The following LMAN1L variants were observed in gnomAD, a reference collection of about 807,000 sequenced individuals.
LMAN1L encodes the protein protein ERGIC-53-like.
LMAN1L carries 60 observed loss-of-function variants against 58.3 expected under a neutral mutation model. That is an observed-to-expected ratio of 1.03 (90% CI 0.84 to 1.27). The LOEUF (loss-of-function observed/expected upper bound fraction) is 1.27, where lower values mean the gene tolerates loss of function less well. Among genes scored for constraint, LMAN1L ranks in the 50% most tolerant of loss-of-function variants. LMAN1L has a pLI of 0.00. For synonymous variants in LMAN1L, 280 were observed against 271.6 expected (o/e 1.03, Z -0.31); for missense variants, 629 against 674.0 (o/e 0.93, Z 0.74).
intron 11 of LMAN1L, 45 bp downstream of exon 11, chr15:74,822,754 CT>C (rs1447847880): frequency 7.0e-7 from 1 of 1,426,506 alleles, no homozygotes; most frequent in Non-Finnish European, 9.9e-7. Flanking sequence ...GTTTCTCCGC[CT>C]TAAGTTCCTC....
intron 10 of LMAN1L, among the ~76,000 whole-genome samples, 160 bp downstream of exon 10, chr15:74,822,060 C>G (rs546035061): frequency 3.5e-4 from 54 of 152,212 alleles, no homozygotes; most frequent in African/African-American, 1.2e-3. Flanking sequence ...TGGTGGCTCA[C>G]GCGTGTAATC....
intron 7 of LMAN1L, 103 bp downstream of exon 7, chr15:74,820,202 T>A: frequency 9.4e-7 from 1 of 1,067,200 alleles, no homozygotes; most frequent in South Asian, 1.3e-5. Flanking sequence ...TACCTCCACC[T>A]GGCCTCTGAG....
At chr15:74,824,597 A>G in intron 13 of LMAN1L, 119 bp downstream of exon 13, 1 of 1,191,686 alleles carries the variant, frequency 8.4e-7, no homozygotes, top group Non-Finnish European at 1.2e-6. Context: ...GAGTCCCCAA[A>G]TCACAAAGAG....
At chr15:74,823,711 G>A (rs1346280876) in intron 12 of LMAN1L, 29 bp downstream of exon 12, 2 of 1,607,208 alleles carry the variant, frequency 1.2e-6, no homozygotes, top group Non-Finnish European at 1.7e-6. Context: ...GCAGCATGGG[G>A]TCCCCAACCT....
In LMAN1L at chr15:74,821,213, C is replaced by T; in HGVS notation, c.1046C>T (p.Pro349Leu). ...KQLGPPGQAR[P>L]DGGWALDASC... is the part of the protein sequence containing the mutation. ...CTGGGGCCCCCAGGCCAAGCCAGGC[C>T]TGACGGAGGCTGGGTGAGAAGCCCT... The change falls in exon 9 of 14, where the codon CCT becomes CTT. Residue 349 changes from proline (P) to leucine (L), a missense_variant. By Grantham distance (98) the Pro-to-Leu change is moderately conservative. Coordinates refer to ENST00000309664, the MANE Select transcript of LMAN1L (RefSeq NM_021819.3). 6.5e-7 allele frequency: 1 copy of T among 1,549,390 alleles called. No individual in the cohort carries two copies. The highest frequency in any genetic ancestry group is 8.7e-7 in the Non-Finnish European group (1 of 1,147,010).
intron 7 of LMAN1L, 176 bp from the exon 8 acceptor site, chr15:74,820,459 A>G: frequency 1.2e-6 from 1 of 824,116 alleles, no homozygotes; most frequent in Non-Finnish European, 2.0e-6. Flanking sequence ...TTGAGGCCAC[A>G]GCAGGGAGGG....
chr15:74,821,435 G>A (rs542522882), intron 9 of LMAN1L, among the ~76,000 whole-genome samples: 1 of 152,328 alleles, frequency 6.6e-6, no homozygotes, highest in Non-Finnish European at 1.5e-5. Context: ...GCTGGGGCTG[G>A]GGAGAGGAGA....
intron 1 of LMAN1L, among the ~76,000 whole-genome samples, chr15:74,814,443 G>C (rs2063881404): frequency 7.1e-6 from 1 of 141,562 alleles, no homozygotes; most frequent in African/African-American, 2.6e-5. Context: ...GCGTGATCTC[G>C]GCTCACTGCA....
Position 74,812,910 on chromosome 15 carries a change from AC to A in LMAN1L, c.61del (p.His21ThrfsTer49). 6.2e-7 allele frequency: 1 copy of A among 1,612,794 alleles called. No homozygotes were observed. The highest frequency in any genetic ancestry group is 8.5e-7 in the Non-Finnish European group (1 of 1,179,420). On this transcript the variant is annotated frameshift_variant, in exon 1 of 14. Coordinates refer to ENST00000309664, the MANE Select transcript of LMAN1L (RefSeq NM_021819.3). LOFTEE classifies it high-confidence loss of function. The stretch of plus-strand genomic sequence containing the variant: ...TTCTGCCTTCTCCTCCTGCTCCTGG[AC>A]CCCCACAGCCCTGAGACGGGGTGTC... Reference protein sequence around the residue: ...PLFCLLLLLLDPHSPETGCPP... With the variant: ...PLFCLLLLLLXPHSPETGCPP...
Position 74,821,193 on chromosome 15 carries a change from G to A in LMAN1L, c.1026G>A (p.Gly342=), listed in dbSNP as rs774696242. The change falls in exon 9 of 14, where the codon GGG becomes GGA. Residue 342 remains glycine, a synonymous_variant. Transcript: ENST00000309664. The part of the protein sequence containing the change: ...QAERQWKKQL[G]PPGQARPDGG... ...AGAGACAATGGAAGAAGCAGCTGGGGCCCCCAGGCCAAGCCAGGCCTGACG... is the reference window on the plus strand; with the variant it reads ...AGAGACAATGGAAGAAGCAGCTGGGACCCCCAGGCCAAGCCAGGCCTGACG... The A allele has an allele frequency of 6.5e-7, 1 of 1,550,136 alleles. No homozygotes were observed. The highest frequency in any genetic ancestry group is 8.7e-7 in the Non-Finnish European group (1 of 1,147,366).
rs762267364 is a variant in LMAN1L, at chr15:74,821,197, C to T, written c.1030C>T (p.Pro344Ser). ...ACAATGGAAGAAGCAGCTGGGGCCCCCAGGCCAAGCCAGGCCTGACGGAGG... is the reference window on the plus strand; with the variant it reads ...ACAATGGAAGAAGCAGCTGGGGCCCTCAGGCCAAGCCAGGCCTGACGGAGG... ...ERQWKKQLGP[P>S]GQARPDGGWA... The change falls in exon 9 of 14, where the codon CCA (proline) becomes TCA (serine). Residue 344 changes from proline (P) to serine (S), a missense_variant. By Grantham distance (74) the Pro-to-Ser change is moderately conservative. Coordinates refer to ENST00000309664, the MANE Select transcript of LMAN1L (RefSeq NM_021819.3). The T allele has an allele frequency of 1.3e-6, 2 of 1,549,824 alleles. No individual in the cohort carries two copies. The highest frequency in any genetic ancestry group is 2.7e-5 in the African/African-American group (2 of 73,164).
intron 12 of LMAN1L, 85 bp downstream of exon 12, chr15:74,823,767 C>G (rs1481130050): frequency 2.0e-6 from 3 of 1,521,744 alleles, no homozygotes; most frequent in Non-Finnish European, 2.7e-6. Flanking sequence ...TCAGCAGCCC[C>G]AAGCCCTCCT....
chr15:74,816,801 CG>C (rs2063893571), intron 4 of LMAN1L, 111 bp downstream of exon 4: 1 of 1,047,340 alleles, frequency 9.5e-7, no homozygotes, highest in African/African-American at 1.6e-5. Flanking sequence ...CCCACCCTGC[CG>C]GGCCGCCATA....
At position 74,823,581 on chromosome 15, in the gene LMAN1L, G is replaced by A. The variant is rs377761066; in HGVS notation, c.1222G>A (p.Ala408Thr). Residue 408 changes from alanine (A) to threonine (T), a missense_variant, in exon 12 of 14, where the codon GCA (alanine) becomes ACA (threonine). Physicochemically the swap from Ala to Thr is moderately conservative, Grantham distance 58. Coordinates refer to ENST00000309664, the MANE Select transcript of LMAN1L (RefSeq NM_021819.3). The part of the protein sequence containing the change: ...EMRDAAVRMA[A>T]EAQVSYLPVG... Reference sequence around the variant, plus strand: ...TAGGGATGCAGCTGTCCGCATGGCTGCAGAAGCCCAGGTCTCCTACCTGCC... The same window carrying A: ...TAGGGATGCAGCTGTCCGCATGGCTACAGAAGCCCAGGTCTCCTACCTGCC... 9.9e-6 allele frequency: 16 copies of A among 1,613,896 alleles called. No homozygotes were observed. The African/African-American group carries it at 2.0e-4, about 20-fold the overall frequency.
In LMAN1L at chr15:74,819,325, C is replaced by A. The variant is rs560910395; in HGVS notation, c.718+53C>A. The A allele has an allele frequency of 1.6e-5, 25 of 1,594,296 alleles. No homozygotes were observed. In the African/African-American group the frequency reaches 3.2e-4, roughly 21 times the overall value. On this transcript the variant is annotated intron_variant, in intron 6 of 13. Transcript: ENST00000309664. ...CAGAAGGGCAGTGATGAATAAATCA[C>A]CCTCAGCACACCTTCTAAAGAGCAC... is the stretch of plus-strand genomic sequence containing the variant.
chr15:74,813,287 C>G, intron 1 of LMAN1L: 1 of 612,364 alleles, frequency 1.6e-6, no homozygotes, highest in Non-Finnish European at 3.0e-6. Flanking sequence ...TCTCCTCTGC[C>G]TCTCCTTGGA....
At chr15:74,822,958 C>T (rs1452353588) in intron 11 of LMAN1L, among the ~76,000 whole-genome samples, 1 of 152,206 alleles carries the variant, frequency 6.6e-6, no homozygotes, top group Non-Finnish European at 1.5e-5. Flanking sequence ...CTCAGACACT[C>T]CCACCCTCAG....
Position 74,819,146 on chromosome 15 carries a change from C to T in LMAN1L, c.598-6C>T. ...CCCCACTGCTCACTCTCTCCATGTC[C>T]CTCAGATGTCCTTGAACAGTGGCCT... On this transcript the variant is annotated splice_region_variant and splice_polypyrimidine_tract_variant and intron_variant, in intron 5 of 13. Coordinates refer to ENST00000309664, the MANE Select transcript of LMAN1L (RefSeq NM_021819.3). 3 of 1,607,132 alleles carry T rather than the reference C, an allele frequency of 1.9e-6. No homozygotes were observed. The highest frequency in any genetic ancestry group is 2.2e-5 in the South Asian group (2 of 90,192).
intron 8 of LMAN1L, 124 bp downstream of exon 8, chr15:74,820,891 C>T: frequency 7.2e-7 from 1 of 1,398,488 alleles, no homozygotes; most frequent in Non-Finnish European, 9.6e-7. Flanking sequence ...TCTAAGCAGG[C>T]CCTGGGCCCA....
Sources: gnomAD v4.1 joint callset for allele counts (sites outside exome capture counted in the v4.1 genomes callset) on GRCh38, gnomAD v4.1.1 for gene constraint, MANE v1.5 for transcripts, NCBI Gene and HGNC (gene_info 2026-07-23, HGNC 2026-07-21) for gene names.